SLC39A10: variants seen among roughly 807,000 people sequenced by gnomAD.
SLC39A10 encodes solute carrier family 39 member 10, also known as zinc transporter ZIP10.
SLC39A10 carries 13 observed loss-of-function variants against 65.1 expected under a neutral mutation model. That is an observed-to-expected ratio of 0.20 (90% CI 0.13 to 0.32). The LOEUF (loss-of-function observed/expected upper bound fraction) is 0.32, where lower values mean the gene tolerates loss of function less well. Ranked by LOEUF, SLC39A10 falls within the 10% of genes least tolerant of loss-of-function variation. The pLI, the probability that SLC39A10 is intolerant of heterozygous loss-of-function variation, is 1.00. For missense variants in SLC39A10, 831 were observed against 1,018.4 expected (o/e 0.82, Z 2.50); for synonymous variants, 321 against 342.2 (o/e 0.94, Z 0.68).
chr2:195,652,615 A>T (rs1689061695), upstream of SLC39A10, among the ~76,000 whole-genome samples: 1 of 151,732 alleles, frequency 6.6e-6, no homozygotes, highest in Admixed American at 6.6e-5. Context: ...CAAGGTTCTT[A>T]TTATGCCGAT....
At chr2:195,678,677 T>TC (rs1188645033) in intron 1 of SLC39A10, among the ~76,000 whole-genome samples, 1 of 151,936 alleles carries the variant, frequency 6.6e-6, no homozygotes, top group Non-Finnish European at 1.5e-5. Flanking sequence ...TCCCAAATCT[T>TC]CAAGATCTGC....
At position 195,728,230 on chromosome 2, in the gene SLC39A10, A is replaced by G. The variant is rs141570121; in HGVS notation, c.2218A>G (p.Met740Val). The G allele has an allele frequency of 5.3e-5, 86 of 1,614,062 alleles. No individual in the cohort carries two copies. In the African/African-American group the frequency reaches 1.1e-3, roughly 21 times the overall value. Reference protein sequence around the residue: ...QAIVYNLLSAMMAYIGMLIGT... With the variant: ...QAIVYNLLSAVMAYIGMLIGT... ...AATTGTATACAACCTCCTCTCTGCC[A>G]TGATGGCTTACATAGGCATGCTCAT... Residue 740 changes from methionine (M) to valine (V), a missense_variant, in exon 9 of 10, where the codon ATG (methionine) becomes GTG (valine). Met to Val is a conservative substitution (Grantham distance 21). Transcript: ENST00000359634. This position sits in a 1 kb window ranked among gnomAD's most constrained non-coding sequence, Gnocchi z 4.4.
chr2:195,683,645 C>T, intron 2 of SLC39A10, 54 bp from the exon 3 acceptor site: 5 of 1,368,084 alleles, frequency 3.7e-6, no homozygotes, highest in Admixed American at 1.9e-5. Context: ...TATTTTTTTG[C>T]ATAATCTCCT....
chr2:195,681,464 G>T (rs1317096311), intron 2 of SLC39A10, among the ~76,000 whole-genome samples: 1 of 152,136 alleles, frequency 6.6e-6, no homozygotes, highest in Non-Finnish European at 1.5e-5. Flanking sequence ...GGCAGAGGTT[G>T]CAGTGAGCCG....
intron 9 of SLC39A10, among the ~76,000 whole-genome samples, chr2:195,732,394 A>G (rs573759691): frequency 2.5e-4 from 38 of 152,214 alleles, no homozygotes; most frequent in Admixed American, 4.6e-4. Context: ...CTGTTTATCA[A>G]TCAGTATCAA....
chr2:195,735,805 A>AT lies in SLC39A10; in HGVS notation c.*782dup, dbSNP rs55916294. On this transcript the variant is annotated 3_prime_UTR_variant, in exon 10 of 10. Coordinates refer to ENST00000359634, the MANE Select transcript of SLC39A10 (RefSeq NM_020342.3). ...TGTTTTTTACTTTAATTTTGTTTTGATTTTTTTTTTTTTTTTTTGGCGGGG... is the reference window on the plus strand; with the variant it reads ...TGTTTTTTACTTTAATTTTGTTTTGATTTTTTTTTTTTTTTTTTTGGCGGGG... The AT allele has an allele frequency of 0.11, 14,191 of 124,244 alleles. 909 individuals carry two copies. The highest frequency in any genetic ancestry group is 0.22 in the Middle Eastern group (50 of 230). The allele number at this position is 124,244 out of a possible 1,614,324, so 7.7% of individuals were successfully genotyped here.
intron 2 of SLC39A10, among the ~76,000 whole-genome samples, chr2:195,627,229 C>T (rs1036726864): frequency 1.3e-5 from 2 of 152,102 alleles, no homozygotes; most frequent in African/African-American, 4.8e-5. Context: ...CATTTTGAAA[C>T]AGTAGTTCTA....
At chr2:195,672,729 T>A (rs1462133991) in intron 1 of SLC39A10, among the ~76,000 whole-genome samples, 1 of 152,222 alleles carries the variant, frequency 6.6e-6, no homozygotes, top group Non-Finnish European at 1.5e-5. Flanking sequence ...CATTTGATGA[T>A]GTCTGATCAA....
intron 2 of SLC39A10, among the ~76,000 whole-genome samples, chr2:195,629,634 G>A (rs1467093001): frequency 1.3e-5 from 2 of 152,142 alleles, no homozygotes; most frequent in Admixed American, 6.5e-5. Flanking sequence ...ACAGCATTCT[G>A]GAGGAGATTC....
rs114644271 is a variant in SLC39A10 at position 195,688,323 on chromosome 2, T to C, written c.1216+4417T>C. Reference sequence around the variant, plus strand: ...TTTTATTACCACCATTGGTTTTTTTTCCTACGTGTAGGAAATTAGGATAGA... The same window carrying C: ...TTTTATTACCACCATTGGTTTTTTTCCCTACGTGTAGGAAATTAGGATAGA... On this transcript the variant is annotated intron_variant, in intron 3 of 9. Coordinates refer to ENST00000359634, the MANE Select transcript of SLC39A10 (RefSeq NM_020342.3). Among the ~76,000 whole-genome samples, 377 of 152,292 alleles carry C rather than the reference T, an allele frequency of 2.5e-3. 2 individuals are homozygous for C. Among genetic ancestry groups the C allele is most frequent in the African/African-American group, 8.7e-3 (362 of 41,582 alleles).
chr2:195,633,389 CT>C (rs1186875141), intron 2 of SLC39A10, among the ~76,000 whole-genome samples: 1 of 152,238 alleles, frequency 6.6e-6, no homozygotes, highest in Non-Finnish European at 1.5e-5. Context: ...GAGGCAGCGT[CT>C]AAGAGGGAAT....
At chr2:195,721,734 C>T (rs1692049688) in intron 8 of SLC39A10, among the ~76,000 whole-genome samples, 1 of 152,116 alleles carries the variant, frequency 6.6e-6, no homozygotes, top group Non-Finnish European at 1.5e-5. Flanking sequence ...CACTTAAAAA[C>T]TATTTTTAGT....
chr2:195,726,233 T>C lies in SLC39A10; in HGVS notation c.2147-1926T>C, dbSNP rs1360510302. Among the ~76,000 whole-genome samples the C allele has an allele frequency of 5.9e-5, 9 of 152,194 alleles. No homozygotes were observed. The East Asian group carries it at 1.5e-3, about 26-fold the overall frequency. On this transcript the variant is annotated intron_variant, in intron 8 of 9. Transcript: ENST00000359634. ...TTTGTACCCATGACACCGTTGTTCA[T>C]TGAGTATTAAATAATGCTCATTTTT...
At chr2:195,691,734 TGTTTCA>T (rs1168815066) in intron 3 of SLC39A10, among the ~76,000 whole-genome samples, 2 of 152,356 alleles carry the variant, frequency 1.3e-5, no homozygotes, top group Non-Finnish European at 2.9e-5. Flanking sequence ...CTTGCTGGTT[TGTTTCA>T]GTTCTTTGTA....
intron 2 of SLC39A10, among the ~76,000 whole-genome samples, chr2:195,617,714 C>T (rs112055037): frequency 6.8e-6 from 1 of 147,058 alleles, no homozygotes; most frequent in Non-Finnish European, 1.5e-5. Context: ...CTTTTCTTTT[C>T]TTTTCTTTTC....
At chr2:195,708,103 A>C (rs1691472037) in intron 4 of SLC39A10, among the ~76,000 whole-genome samples, 1 of 152,142 alleles carries the variant, frequency 6.6e-6, no homozygotes, top group Admixed American at 6.5e-5. Context: ...CTCTGAAATA[A>C]TTTTATAAGA....
chr2:195,698,694 T>C (rs1183485106), intron 3 of SLC39A10, among the ~76,000 whole-genome samples: 2 of 152,018 alleles, frequency 1.3e-5, no homozygotes, highest in Non-Finnish European at 2.9e-5. Context: ...AATATGTTGC[T>C]GGATTTTATT....
At chr2:195,638,958 T>TTTTTTG (rs1553493512) in intron 2 of SLC39A10, among the ~76,000 whole-genome samples, 2 of 151,558 alleles carry the variant, frequency 1.3e-5, no homozygotes, top group African/African-American at 4.8e-5. Flanking sequence ...GGCAGTTTTT[T>TTTTTTG]TTTTTGTTTT....
chr2:195,717,021 A>T lies in SLC39A10; in HGVS notation c.2065+16A>T. On this transcript the variant is annotated intron_variant, in intron 7 of 9. Coordinates refer to ENST00000359634, the MANE Select transcript of SLC39A10 (RefSeq NM_020342.3). ...CTCGCAATTGGTAAGTGGACTGGAA[A>T]CCACTGTCTATGCTAATCTTATGGA... The T allele has an allele frequency of 6.2e-7, 1 of 1,608,476 alleles. No homozygotes were observed. Among genetic ancestry groups the T allele is most frequent in the South Asian group, 1.1e-5 (1 of 89,940 alleles).
Sources: gnomAD v4.1 joint callset for allele counts (sites outside exome capture counted in the v4.1 genomes callset) on GRCh38, gnomAD v4.1.1 for gene constraint, Gnocchi (gnomAD v3.1) non-coding constraint, MANE v1.5 for transcripts, NCBI Gene and HGNC (gene_info 2026-07-23, HGNC 2026-07-21) for gene names.